SDK1: variants seen among roughly 807,000 people sequenced by gnomAD.
The protein encoded by SDK1 is sidekick cell adhesion molecule 1.
Under a neutral mutation model 245.5 loss-of-function variants are expected in SDK1, and 157 were observed. That is an observed-to-expected ratio of 0.64 (90% CI 0.56 to 0.73). The LOEUF (loss-of-function observed/expected upper bound fraction) is 0.73, where lower values mean the gene tolerates loss of function less well. SDK1 is among the 30% of genes least tolerant of loss of function. SDK1 has a pLI of 0.00. For synonymous variants in SDK1, 1,647 were observed against 1,278.5 expected, an observed-to-expected ratio of 1.29 and a Z score of -6.15; for missense variants, 3,583 against 3,002.3, an observed-to-expected ratio of 1.19 and a Z score of -4.52.
chr7:3,771,930 G>T (rs968010070), intron 4 of SDK1, among the ~76,000 whole-genome samples: 12 of 152,114 alleles, frequency 7.9e-5, no homozygotes, highest in African/African-American at 2.9e-4. Flanking sequence ...TCTTCCTTGA[G>T]CCCTTGGCTG....
At chr7:3,430,103 A>G (rs772040319) in intron 1 of SDK1, among the ~76,000 whole-genome samples, 1 of 152,174 alleles carries the variant, frequency 6.6e-6, no homozygotes, top group Non-Finnish European at 1.5e-5. Context: ...AGCACAGTCA[A>G]TGACTAGGAG....
At chr7:3,888,179 C>G (rs1781380516) in intron 5 of SDK1, among the ~76,000 whole-genome samples, 1 of 152,224 alleles carries the variant, frequency 6.6e-6, no homozygotes, top group African/African-American at 2.4e-5. Flanking sequence ...CTGGCACAGA[C>G]TCCATTTGAT....
intron 1 of SDK1, among the ~76,000 whole-genome samples, chr7:3,535,238 T>C (rs1778843822): frequency 6.6e-6 from 1 of 152,150 alleles, no homozygotes; most frequent in Non-Finnish European, 1.5e-5. Flanking sequence ...ATCACATCAT[T>C]GCACTCCAAG....
rs188524499 is a variant in SDK1, at chr7:3,580,393, T to C, written c.299-38687T>C. 2.4e-3 allele frequency among the ~76,000 whole-genome samples: 369 copies of C among 152,306 alleles called. 3 individuals carry two copies. Among genetic ancestry groups the C allele is most frequent in the South Asian group, 0.018 (86 of 4,826 alleles). On this transcript the variant is annotated intron_variant, in intron 1 of 44. Transcript: ENST00000404826. ...CATCATGTTACCTGACTTCAAATTA[T>C]ACTGCAGGGCTACAGTAACCAGAAC... is the stretch of plus-strand genomic sequence containing the variant.
chr7:3,968,043 C>T (rs1782210922), intron 10 of SDK1, among the ~76,000 whole-genome samples: 1 of 152,256 alleles, frequency 6.6e-6, no homozygotes, highest in South Asian at 2.1e-4. Flanking sequence ...GTGCCTCAGG[C>T]CTCCTCGGGC....
intron 1 of SDK1, among the ~76,000 whole-genome samples, chr7:3,417,210 C>G (rs1020665295): frequency 6.6e-6 from 1 of 152,128 alleles, no homozygotes; most frequent in Non-Finnish European, 1.5e-5. Flanking sequence ...GCGAGCCCTA[C>G]AGCTGCAGGC....
intron 5 of SDK1, among the ~76,000 whole-genome samples, chr7:3,870,698 T>A (rs1054770897): frequency 6.6e-6 from 1 of 152,210 alleles, no homozygotes; most frequent in Non-Finnish European, 1.5e-5. Flanking sequence ...ATAACCATAA[T>A]AAATTTATCA....
intron 7 of SDK1, among the ~76,000 whole-genome samples, chr7:3,952,628 T>C (rs1780926553): frequency 6.6e-6 from 1 of 152,042 alleles, no homozygotes; most frequent in Admixed American, 6.5e-5. Context: ...TAATTATTAA[T>C]TTAGCTGTTA....
In SDK1 at chr7:3,554,902, A is replaced by G. The variant is rs956605068; in HGVS notation, c.299-64178A>G. ...GAAGTGAAAAATCCCTGTAAGGAAA[A>G]CTATAAAACTTTTTGCAAGAAATTG... is the stretch of plus-strand genomic sequence containing the variant. On this transcript the variant is annotated intron_variant, in intron 1 of 44. Transcript: ENST00000404826. Among the ~76,000 whole-genome samples the G allele has an allele frequency of 3.9e-4, 60 of 152,226 alleles. 1 individual carries two copies. The highest frequency in any genetic ancestry group is 8.4e-4 in the Non-Finnish European group (57 of 68,028).
intron 4 of SDK1, among the ~76,000 whole-genome samples, chr7:3,723,973 G>A (rs1311207443): frequency 6.1e-5 from 9 of 147,226 alleles, no homozygotes; most frequent in African/African-American, 1.0e-4. Context: ...GAGAGAGAGA[G>A]AGAGAAAGAG....
At chr7:4,084,481 C>T (rs1167702814) in intron 22 of SDK1, among the ~76,000 whole-genome samples, 2 of 152,156 alleles carry the variant, frequency 1.3e-5, no homozygotes, top group African/African-American at 4.8e-5. Flanking sequence ...GCCTGCAGGG[C>T]CTTGGTTTCA....
chr7:3,398,156 G>A (rs1388482439), intron 1 of SDK1, among the ~76,000 whole-genome samples: 1 of 152,034 alleles, frequency 6.6e-6, no homozygotes. Flanking sequence ...TGTAACTGTA[G>A]GTTTCACAGG....
intron 4 of SDK1, among the ~76,000 whole-genome samples, chr7:3,808,828 C>T (rs1028820950): frequency 6.6e-6 from 1 of 152,094 alleles, no homozygotes; most frequent in African/African-American, 2.4e-5. Context: ...AATGCCATAC[C>T]TATCGTAGTA....
intron 1 of SDK1, among the ~76,000 whole-genome samples, chr7:3,337,666 G>A (rs1780238683): frequency 6.6e-6 from 1 of 152,208 alleles, no homozygotes; most frequent in African/African-American, 2.4e-5. Context: ...TGTGTAATTT[G>A]TAGGGGAAAA....
At chr7:4,052,541 A>G (rs540207127) in intron 19 of SDK1, among the ~76,000 whole-genome samples, 212 of 152,312 alleles carry the variant, frequency 1.4e-3, no homozygotes, top group Non-Finnish European at 2.2e-3. Flanking sequence ...AAGATCAAAA[A>G]TTGTGCGCAA....
chr7:3,604,770 T>G (rs1460920429), intron 1 of SDK1, among the ~76,000 whole-genome samples: 8 of 151,712 alleles, frequency 5.3e-5, no homozygotes. Flanking sequence ...GGCAGGCTAA[T>G]TTTGTATTTT....
At chr7:3,812,062 C>A (rs1286125088) in intron 4 of SDK1, among the ~76,000 whole-genome samples, 1 of 152,204 alleles carries the variant, frequency 6.6e-6, no homozygotes, top group East Asian at 1.9e-4. Context: ...GCAGCTCTTG[C>A]CAGTAAGATA....
chr7:3,820,702 C>G (rs539911126), intron 4 of SDK1, among the ~76,000 whole-genome samples: 151 of 152,298 alleles, frequency 9.9e-4, no homozygotes, highest in African/African-American at 3.3e-3. Flanking sequence ...TGTTAAGTTG[C>G]TGTGTTACCT....
At chr7:3,375,317 A>G (rs1781327718) in intron 1 of SDK1, among the ~76,000 whole-genome samples, 1 of 152,258 alleles carries the variant, frequency 6.6e-6, no homozygotes, top group South Asian at 2.1e-4. Flanking sequence ...GACTAGACAG[A>G]AAATGAAATA....
Sources: allele counts gnomAD v4.1 joint callset (sites outside exome capture counted in the v4.1 genomes callset), GRCh38; gene constraint gnomAD v4.1.1; transcripts MANE v1.5; gene names NCBI Gene and HGNC (gene_info 2026-07-23, HGNC 2026-07-21).